The following RSF1 variants were observed in gnomAD, a reference collection of about 807,000 sequenced individuals.
The protein encoded by RSF1 is remodeling and spacing factor 1.
Under a neutral mutation model 145.2 loss-of-function variants are expected in RSF1, and 13 were observed. That is an observed-to-expected ratio of 0.09 (90% CI 0.06 to 0.14). RSF1 has a LOEUF of 0.14. Among genes scored for constraint, RSF1 ranks in the 10% least tolerant of loss-of-function variants. The probability of loss-of-function intolerance (pLI) is 1.00; values close to 1 mark genes in which losing one functional copy is unlikely to be tolerated. For missense variants in RSF1, 1,517 were observed against 1,718.2 expected, an observed-to-expected ratio of 0.88 and a Z score of 2.07; for synonymous variants, 577 against 592.6, an observed-to-expected ratio of 0.97 and a Z score of 0.38.
the RSF1 span, among the ~76,000 whole-genome samples, chr11:77,845,257 A>G: frequency 6.6e-6 from 1 of 152,106 alleles, no homozygotes; most frequent in Non-Finnish European, 1.5e-5. Flanking sequence ...GGTGTCCTAC[A>G]GGTCTCTGAG....
At chr11:77,734,987 G>C (rs1422900557) in intron 4 of RSF1, 2 of 1,596,236 alleles carry the variant, frequency 1.3e-6, no homozygotes, top group African/African-American at 2.7e-5. Flanking sequence ...GAGTCCTGGT[G>C]GTAGTTCTGG....
At chr11:77,731,161 G>T (rs1961198638) in intron 4 of RSF1, among the ~76,000 whole-genome samples, 1 of 152,184 alleles carries the variant, frequency 6.6e-6, no homozygotes, top group South Asian at 2.1e-4. Flanking sequence ...CCAGGCTGAG[G>T]TAGTCTCAGA....
At chr11:77,673,025 G>A (rs1041338702) in intron 14 of RSF1, among the ~76,000 whole-genome samples, 5 of 152,028 alleles carry the variant, frequency 3.3e-5, no homozygotes, top group Non-Finnish European at 5.9e-5. Context: ...TACTGCAGTC[G>A]ACCTACAGCT....
chr11:77,679,950 C>G (rs1959813802), intron 11 of RSF1, among the ~76,000 whole-genome samples: 1 of 152,070 alleles, frequency 6.6e-6, no homozygotes, highest in Non-Finnish European at 1.5e-5. Context: ...TAATTACTAG[C>G]CTGTGTGGCT....
At chr11:77,814,396 G>C (rs532437182) in intron 1 of RSF1, among the ~76,000 whole-genome samples, 1 of 152,008 alleles carries the variant, frequency 6.6e-6, no homozygotes, top group Non-Finnish European at 1.5e-5. Context: ...CCAACTACTC[G>C]GGAGGTTGGG....
At chr11:77,675,511 A>G (rs930475738) in intron 13 of RSF1, among the ~76,000 whole-genome samples, 6 of 152,186 alleles carry the variant, frequency 3.9e-5, no homozygotes, top group South Asian at 2.1e-4. Flanking sequence ...CCCATGTTAA[A>G]TTCGACATAT....
intron 15 of RSF1, among the ~76,000 whole-genome samples, chr11:77,669,895 A>T (rs1959474423): frequency 6.6e-6 from 1 of 152,204 alleles, no homozygotes. Flanking sequence ...TGGGAGGCCA[A>T]GGTAGGGGGG....
chr11:77,823,043 T>A (rs1186787830), upstream of RSF1, among the ~76,000 whole-genome samples: 1 of 151,676 alleles, frequency 6.6e-6, no homozygotes, highest in Non-Finnish European at 1.5e-5. Context: ...GTGAAACCCG[T>A]CTCTACTAAA....
chr11:77,697,201 C>A (rs936881234), intron 7 of RSF1, among the ~76,000 whole-genome samples: 2 of 151,784 alleles, frequency 1.3e-5, no homozygotes, highest in African/African-American at 4.8e-5. Context: ...TAATGCTTTG[C>A]AGGAAAAAAG....
At chr11:77,724,743 G>A (rs1961013155) in intron 5 of RSF1, among the ~76,000 whole-genome samples, 1 of 152,088 alleles carries the variant, frequency 6.6e-6, no homozygotes, top group Non-Finnish European at 1.5e-5. Flanking sequence ...CCTTGCATAA[G>A]TGGTTCACAA....
chr11:77,746,633 C>T (rs1297399154), intron 3 of RSF1, among the ~76,000 whole-genome samples: 3 of 152,130 alleles, frequency 2.0e-5, no homozygotes, highest in East Asian at 3.8e-4. Context: ...CCATTTAAAT[C>T]AAGTTGGTTT....
intron 13 of RSF1, among the ~76,000 whole-genome samples, chr11:77,676,223 T>G (rs1436781872): frequency 6.6e-6 from 1 of 152,238 alleles, no homozygotes; most frequent in Non-Finnish European, 1.5e-5. Context: ...AAGCCAACTT[T>G]CCTCTGTAGC....
the RSF1 span, among the ~76,000 whole-genome samples, chr11:77,865,132 G>C: frequency 6.6e-6 from 1 of 152,278 alleles, no homozygotes; most frequent in Non-Finnish European, 1.5e-5. Context: ...TAATGTGGTT[G>C]AGTCCCCAAC....
At chr11:77,749,480 T>C (rs1316385794) in intron 2 of RSF1, among the ~76,000 whole-genome samples, 2 of 152,142 alleles carry the variant, frequency 1.3e-5, no homozygotes, top group East Asian at 1.9e-4. Context: ...AGCTCATCCT[T>C]AGTATCTGAG....
chr11:77,748,388 C>A (rs1336248316), intron 2 of RSF1, among the ~76,000 whole-genome samples: 1 of 151,802 alleles, frequency 6.6e-6, no homozygotes, highest in Admixed American at 6.6e-5. Flanking sequence ...CCACACCTGG[C>A]TGATTTTTGT....
At chr11:77,756,176 G>A (rs1357572638) in intron 2 of RSF1, among the ~76,000 whole-genome samples, 5 of 151,742 alleles carry the variant, frequency 3.3e-5, no homozygotes, top group Non-Finnish European at 5.9e-5. Flanking sequence ...TGACCAACAC[G>A]GAGAAACCCT....
chr11:77,781,895 C>G (rs7124116), intron 1 of RSF1, among the ~76,000 whole-genome samples: 26,916 of 152,036 alleles, frequency 0.18, 2,971 homozygotes, highest in African/African-American at 0.3. Context: ...TCCTAATGAA[C>G]AGCATTATGA....
At chr11:77,682,583 C>A (rs1228278621) in intron 11 of RSF1, among the ~76,000 whole-genome samples, 1 of 152,134 alleles carries the variant, frequency 6.6e-6, no homozygotes, top group Non-Finnish European at 1.5e-5. Flanking sequence ...AAAAGGTAAA[C>A]CAGGTAATAT....
chr11:77,871,451 A>C, the RSF1 span, among the ~76,000 whole-genome samples: 1 of 152,206 alleles, frequency 6.6e-6, no homozygotes, highest in Non-Finnish European at 1.5e-5. Flanking sequence ...CCCCTCATGG[A>C]TAATAAAAAA....
Sources: gnomAD v4.1 joint callset for allele counts (sites outside exome capture counted in the v4.1 genomes callset) on GRCh38, gnomAD v4.1.1 for gene constraint, MANE v1.5 for transcripts, NCBI Gene and HGNC (gene_info 2026-07-23, HGNC 2026-07-21) for gene names.